WDR25: variants seen among roughly 807,000 people sequenced by gnomAD.
WDR25 encodes the protein WD repeat-containing protein 25.
WDR25 carries 35 observed loss-of-function variants against 47.7 expected under a neutral mutation model. The observed-to-expected ratio is 0.73, with a 90% confidence interval of 0.56 to 0.97. WDR25 has a LOEUF of 0.97. Ranked by LOEUF, WDR25 falls within the 50% of genes least tolerant of loss-of-function variation. The pLI is 0.00. For missense variants in WDR25, 634 were observed against 704.7 expected (o/e 0.90, Z 1.14); for synonymous variants, 248 against 278.9 (o/e 0.89, Z 1.10).
rs143701765 is a variant in WDR25, at chr14:100,448,704, T to A, written c.823-19317T>A. On this transcript the variant is annotated intron_variant, in intron 2 of 6. Coordinates refer to ENST00000402312, the MANE Select transcript of WDR25 (RefSeq NM_001161476.3). ...GGTGGTGATGGGGTCATTATAAAAA[T>A]GCATTGTTTCTTTCACAACCAGGAA... Among the ~76,000 whole-genome samples the A allele has an allele frequency of 3.5e-3, 535 of 152,138 alleles. 7 individuals are homozygous for A. Among genetic ancestry groups the A allele is most frequent in the African/African-American group, 0.013 (519 of 41,494 alleles).
chr14:100,456,272 A>G (rs924713349), intron 2 of WDR25, among the ~76,000 whole-genome samples: 1 of 152,176 alleles, frequency 6.6e-6, no homozygotes. Flanking sequence ...TGAGCCCAGG[A>G]GTTCAAGGCT....
intron 5 of WDR25, among the ~76,000 whole-genome samples, chr14:100,528,579 T>A (rs1483038458): frequency 6.6e-6 from 1 of 152,136 alleles, no homozygotes; most frequent in Non-Finnish European, 1.5e-5. Context: ...CTTGGCTTTC[T>A]TTCTATGAGG....
At chr14:100,414,313 C>CTTTTTT (rs1202018412) in intron 2 of WDR25, among the ~76,000 whole-genome samples, 1 of 102,852 alleles carries the variant, frequency 9.7e-6, no homozygotes, top group African/African-American at 3.8e-5. Flanking sequence ...AGAGGTAGTT[C>CTTTTTT]TTTTTTTTTT....
intron 2 of WDR25, chr14:100,454,504 A>G: frequency 8.3e-7 from 1 of 1,206,352 alleles, no homozygotes; most frequent in Non-Finnish European, 1.1e-6. Flanking sequence ...ACAGCTAACA[A>G]CTATAAACTG....
Position 100,484,060 on chromosome 14 carries a change from A to G in WDR25, c.1037A>G (p.His346Arg). The change falls in exon 4 of 7, where the codon CAC becomes CGC. Residue 346 changes from histidine to arginine, a missense_variant. By Grantham distance (29) the His-to-Arg change is conservative (BLOSUM62 0). Transcript: ENST00000402312. ...ACCTTGAAATTCCATCCAAAAGACC[A>G]CAACATCTTTTTATGTGGAGGCTTC... ...ITTLKFHPKD[H>R]NIFLCGGFSS... 1 of 1,613,976 alleles carries G rather than the reference A, an allele frequency of 6.2e-7. No homozygotes were observed. Among genetic ancestry groups the G allele is most frequent in the Non-Finnish European group, 8.5e-7 (1 of 1,179,950 alleles).
rs1595524313 is a variant in WDR25, at chr14:100,424,365, C to G, written c.822+42619C>G. Reference sequence around the variant, plus strand: ...CCTCACAGTTTGCATCCCGTGTAAACAAACATCAGCACCTGTTATCCTAAT... The same window carrying G: ...CCTCACAGTTTGCATCCCGTGTAAAGAAACATCAGCACCTGTTATCCTAAT... On this transcript the variant is annotated intron_variant, in intron 2 of 6. Coordinates refer to ENST00000402312, the MANE Select transcript of WDR25 (RefSeq NM_001161476.3). This position sits in a 1 kb window ranked among gnomAD's most constrained non-coding sequence, Gnocchi z 4.2. Among the ~76,000 whole-genome samples the G allele has an allele frequency of 6.6e-6, 1 of 152,216 alleles. No homozygotes were observed. Among genetic ancestry groups the G allele is most frequent in the South Asian group, 2.1e-4 (1 of 4,834 alleles).
At chr14:100,457,171 T>C (rs1384900778) in intron 2 of WDR25, among the ~76,000 whole-genome samples, 1 of 152,156 alleles carries the variant, frequency 6.6e-6, no homozygotes, top group Non-Finnish European at 1.5e-5. Flanking sequence ...GCCAGGCTGG[T>C]CTCGAACCTC....
intron 2 of WDR25, among the ~76,000 whole-genome samples, chr14:100,422,105 C>T (rs1898043125): frequency 6.6e-6 from 1 of 152,194 alleles, no homozygotes; most frequent in African/African-American, 2.4e-5. Context: ...TCTGAATCTG[C>T]AGTTTGGGCA....
rs373188608 is a variant in WDR25, at chr14:100,411,531, T to G, written c.822+29785T>G. Among the ~76,000 whole-genome samples the G allele has an allele frequency of 8.6e-5, 13 of 151,610 alleles. No individual in the cohort carries two copies. The South Asian group carries it at 2.7e-3, about 32-fold the overall frequency. ...CTGTTCCACATTGATTTTCACTTGC[T>G]TTTTGCTTTTTTTTTTTTTTCTCGA... On this transcript the variant is annotated intron_variant, in intron 2 of 6. Transcript: ENST00000402312.
chr14:100,508,707 A>G (rs1470827836), intron 4 of WDR25, among the ~76,000 whole-genome samples: 2 of 152,148 alleles, frequency 1.3e-5, no homozygotes, highest in Non-Finnish European at 2.9e-5. Context: ...GAAAACAATC[A>G]GTCTTTTACC....
rs1900891424 is a variant in WDR25, at chr14:100,500,646, A to C, written c.1101+16522A>C. 6.6e-6 allele frequency among the ~76,000 whole-genome samples: 1 copy of C among 152,104 alleles called. No individual in the cohort carries two copies. ...ACGCTGGCTCAGCCAAGCGAGCCTC[A>C]CCATCTCCATCTCTGTTCAGAGTAG... On this transcript the variant is annotated intron_variant, in intron 4 of 6. Coordinates refer to ENST00000402312, the MANE Select transcript of WDR25 (RefSeq NM_001161476.3). This position sits in a 1 kb window ranked among gnomAD's most constrained non-coding sequence, Gnocchi z 4.7.
Position 100,526,007 on chromosome 14 carries a change from G to T in WDR25, c.1239G>T (p.Arg413=). Residue 413 remains arginine, a synonymous_variant, in exon 5 of 7, where the codon CGG becomes CGT. Coordinates refer to ENST00000402312, the MANE Select transcript of WDR25 (RefSeq NM_001161476.3). The part of the protein sequence containing the change: ...ADRTIIAWDF[R]TSAKISNQIF... ...GCACCATTATTGCCTGGGATTTCCG[G>T]ACCTCTGCCAAAATCTCCAACCAGA... 6.2e-7 allele frequency: 1 copy of T among 1,614,028 alleles called. No individual in the cohort carries two copies. Among genetic ancestry groups the T allele is most frequent in the Non-Finnish European group, 8.5e-7 (1 of 1,179,968 alleles).
At chr14:100,388,373 C>T (rs1170469744) in intron 2 of WDR25, among the ~76,000 whole-genome samples, 1 of 152,184 alleles carries the variant, frequency 6.6e-6, no homozygotes, top group Admixed American at 6.5e-5. Context: ...GATAGAGGCC[C>T]ATAGAGGGGA....
intron 4 of WDR25, among the ~76,000 whole-genome samples, chr14:100,521,606 T>C (rs145761200): frequency 1.3e-5 from 2 of 152,300 alleles, no homozygotes; most frequent in African/African-American, 4.8e-5. Flanking sequence ...TTTTTACAAC[T>C]GCGTAGTGGT....
chr14:100,443,713 T>C (rs1898738780), intron 2 of WDR25, among the ~76,000 whole-genome samples: 1 of 152,228 alleles, frequency 6.6e-6, no homozygotes. Flanking sequence ...GTTCTTTAAT[T>C]ACAGAATTAA....
intron 4 of WDR25, among the ~76,000 whole-genome samples, chr14:100,507,221 G>A (rs1209973759): frequency 2.0e-5 from 3 of 152,130 alleles, no homozygotes; most frequent in African/African-American, 7.2e-5. Context: ...CTGCAGGTGT[G>A]CAGCTTTATT....
chr14:100,444,949 CT>C (rs1281639659), intron 2 of WDR25, among the ~76,000 whole-genome samples: 1 of 152,204 alleles, frequency 6.6e-6, no homozygotes, highest in Non-Finnish European at 1.5e-5. Flanking sequence ...CGTTTTCTAG[CT>C]GTTGAAATGA....
At chr14:100,433,188 C>G (rs1898394655) in intron 2 of WDR25, among the ~76,000 whole-genome samples, 1 of 152,218 alleles carries the variant, frequency 6.6e-6, no homozygotes, top group Non-Finnish European at 1.5e-5. Flanking sequence ...GTCATGTGTT[C>G]CCTTCATCAT....
rs368425452 is a variant in WDR25, at chr14:100,500,471, C to T, written c.1101+16347C>T. Among the ~76,000 whole-genome samples the T allele has an allele frequency of 6.6e-5, 10 of 152,320 alleles. No homozygotes were observed. In the East Asian group the frequency reaches 1.9e-3, roughly 29 times the overall value. On this transcript the variant is annotated intron_variant, in intron 4 of 6. Transcript: ENST00000402312. The surrounding 1 kb of genome is among the most constrained non-coding windows in gnomAD (Gnocchi z 4.7). ...CGGGCACGGGGCATTCTCTGTGGCC[C>T]AGCCCAAGGCCAGTGCACCACAAAG...
Sources: gnomAD v4.1 joint callset for allele counts (sites outside exome capture counted in the v4.1 genomes callset) on GRCh38, gnomAD v4.1.1 for gene constraint, Gnocchi (gnomAD v3.1) non-coding constraint, MANE v1.5 for transcripts, NCBI Gene and HGNC (gene_info 2026-07-23, HGNC 2026-07-21) for gene names.